MYDGF: variants seen among roughly 807,000 people sequenced by gnomAD.
MYDGF encodes the protein myeloid-derived growth factor.
In MYDGF, 29 loss-of-function variants were observed where a neutral mutation model predicts 24.2. That is an observed-to-expected ratio of 1.20 (90% CI 0.89 to 1.63). MYDGF has a LOEUF of 1.63. MYDGF is among the 40% of genes most tolerant of loss of function. The pLI, the probability that MYDGF is intolerant of heterozygous loss-of-function variation, is 0.00. For missense variants in MYDGF, 245 were observed against 234.8 expected, an observed-to-expected ratio of 1.04 and a Z score of -0.29; for synonymous variants, 105 against 102.5, an observed-to-expected ratio of 1.02 and a Z score of -0.15.
intron 3 of MYDGF, among the ~76,000 whole-genome samples, chr19:4,664,668 T>C (rs539708367): frequency 2.6e-4 from 40 of 152,170 alleles, no homozygotes; most frequent in African/African-American, 9.4e-4. Context: ...CCCCAGACCT[T>C]CTCAGTCTCT....
chr19:4,660,538 C>T (rs924840401), intron 4 of MYDGF, 131 bp downstream of exon 4: 9 of 852,514 alleles, frequency 1.1e-5, no homozygotes, highest in African/African-American at 6.8e-5. Flanking sequence ...AAGTTACACA[C>T]CCTACCTCTG....
At chr19:4,665,967 G>A (rs72620524) in intron 2 of MYDGF, among the ~76,000 whole-genome samples, 16,496 of 151,788 alleles carry the variant, frequency 0.11, 1,122 homozygotes, top group African/African-American at 0.19. Context: ...CACCATATGG[G>A]TGTGAAAACC....
intron 1 of MYDGF, 169 bp from the exon 2 acceptor site, chr19:4,668,814 T>C: frequency 1.8e-6 from 1 of 561,956 alleles, no homozygotes; most frequent in Non-Finnish European, 3.2e-6. Flanking sequence ...CTCAAGTAAC[T>C]GAGACAATAG....
chr19:4,669,407 C>T (rs562343491), intron 1 of MYDGF, among the ~76,000 whole-genome samples: 2 of 152,216 alleles, frequency 1.3e-5, no homozygotes, highest in African/African-American at 2.4e-5. Flanking sequence ...GCCAAGATCG[C>T]GCCACTGCAC....
Position 4,659,988 on chromosome 19 carries a change from C to G in MYDGF, c.385G>C (p.Glu129Gln), listed in dbSNP as rs2088457567. 1 of 1,613,906 alleles carries G rather than the reference C, an allele frequency of 6.2e-7. No homozygotes were observed. Among genetic ancestry groups the G allele is most frequent in the Non-Finnish European group, 8.5e-7 (1 of 1,179,998 alleles). Residue 129 changes from glutamate (E) to glutamine (Q), a missense_variant, in exon 5 of 6, where the codon GAA (glutamate) becomes CAA (glutamine). Coordinates refer to ENST00000262947, the MANE Select transcript of MYDGF (RefSeq NM_019107.4). The stretch of plus-strand genomic sequence containing the variant: ...TTCAGAGGGACATCACTTTCCCTTT[C>G]AAATGCGGCTTTAGACTGAAAAAGA... ...YAMAYSKAAF[E>Q]RESDVPLKTE...
chr19:4,662,662 T>C (rs1469189003), intron 3 of MYDGF, among the ~76,000 whole-genome samples: 3 of 152,060 alleles, frequency 2.0e-5, no homozygotes, highest in Non-Finnish European at 4.4e-5. Context: ...TGCACAGCTT[T>C]TGTCTGATTC....
intron 2 of MYDGF, among the ~76,000 whole-genome samples, chr19:4,667,950 CAG>C (rs1274401486): frequency 6.6e-6 from 1 of 152,102 alleles, no homozygotes; most frequent in Non-Finnish European, 1.5e-5. Flanking sequence ...TTTTTTGAGA[CAG>C]AGTCTCGCTC....
intron 5 of MYDGF, among the ~76,000 whole-genome samples, chr19:4,658,972 T>C (rs900501477): frequency 1.3e-5 from 2 of 151,952 alleles, no homozygotes; most frequent in Non-Finnish European, 1.5e-5. Flanking sequence ...TTGGCTAATT[T>C]TGGTATTTTT....
chr19:4,668,964 C>T (rs2088541991), intron 1 of MYDGF, among the ~76,000 whole-genome samples: 1 of 152,066 alleles, frequency 6.6e-6, no homozygotes, highest in Non-Finnish European at 1.5e-5. Context: ...CTGCCTCAGC[C>T]TCCTGAGTAC....
intron 2 of MYDGF, among the ~76,000 whole-genome samples, chr19:4,666,410 G>A (rs2088521749): frequency 2.0e-5 from 3 of 151,878 alleles, no homozygotes; most frequent in Admixed American, 2.0e-4. Flanking sequence ...TGAGTAGCTG[G>A]GATTACAGGC....
Position 4,670,162 on chromosome 19 carries a change from C to A in MYDGF, c.173G>T (p.Gly58Val), listed in dbSNP as rs2145191240. 2 of 1,534,208 alleles carry A rather than the reference C, an allele frequency of 1.3e-6. No individual in the cohort carries two copies. Among genetic ancestry groups the A allele is most frequent in the South Asian group, 1.2e-5 (1 of 83,916 alleles). Residue 58 changes from glycine to valine, a missense_variant and splice_region_variant, in exon 1 of 6, where the codon GGG becomes GTG. By Grantham distance (109) the Gly-to-Val change is moderately radical. Transcript: ENST00000262947. The part of the protein sequence containing the change: ...VHSFSHNVGP[G>V]DKYTCMFTYA... ...ATCCGGGACGGCGGTGGCACGTACCCCCGGGCCCACGTTATGGGAGAAGGA... is the reference window on the plus strand; with the variant it reads ...ATCCGGGACGGCGGTGGCACGTACCACCGGGCCCACGTTATGGGAGAAGGA...
Position 4,660,671 on chromosome 19 carries a change from A to G in MYDGF, c.367T>C (p.Tyr123His). The part of the protein sequence containing the change: ...RGAEIEYAMA[Y>H]SKAAFERESD... ...CTGCCCCACTCCAAGATACTCACGT[A>G]GGCCATGGCGTACTCAATCTCAGCG... is the stretch of plus-strand genomic sequence containing the variant. Residue 123 changes from tyrosine (Y) to histidine (H), a missense_variant and splice_region_variant, in exon 4 of 6, where the codon TAC becomes CAC. By Grantham distance (83) the Tyr-to-His change is moderately conservative (BLOSUM62 2). Transcript: ENST00000262947. 1 of 1,613,720 alleles carries G rather than the reference A, an allele frequency of 6.2e-7. No homozygotes were observed.
At chr19:4,658,208 C>G (rs2088438550) in intron 5 of MYDGF, 124 bp from the exon 6 acceptor site, 1 of 742,546 alleles carries the variant, frequency 1.3e-6, no homozygotes, top group Admixed American at 2.6e-5. Flanking sequence ...AAGCAGACTC[C>G]CATGTGAAAA....
chr19:4,663,507 T>C (rs58222149), intron 3 of MYDGF, among the ~76,000 whole-genome samples: 131 of 42,864 alleles, frequency 3.1e-3, no homozygotes, highest in Admixed American at 0.022. Context: ...CTGTGCACTC[T>C]CCACCCACCC....
intron 2 of MYDGF, among the ~76,000 whole-genome samples, chr19:4,666,990 G>A (rs998190466): frequency 4.6e-5 from 7 of 152,182 alleles, no homozygotes; most frequent in East Asian, 1.9e-4. Context: ...TCTTGGTTGC[G>A]GGACTGAAGT....
At chr19:4,667,691 G>A (rs1025606680) in intron 2 of MYDGF, among the ~76,000 whole-genome samples, 3 of 151,078 alleles carry the variant, frequency 2.0e-5, no homozygotes, top group Non-Finnish European at 4.4e-5. Flanking sequence ...TTGAAGGAGA[G>A]GATTCTTCTC....
At chr19:4,670,008 C>T (rs941891866) in intron 1 of MYDGF, among the ~76,000 whole-genome samples, 153 bp downstream of exon 1, 24 of 152,232 alleles carry the variant, frequency 1.6e-4, no homozygotes, top group African/African-American at 5.5e-4. Flanking sequence ...GTCCCGCGCC[C>T]CCCACTCAGC....
In MYDGF at chr19:4,664,798, C is replaced by A. The variant is rs1427171253; in HGVS notation, c.287+78G>T. Reference sequence around the variant, plus strand: ...CCTCCAGGGGTGCAGCCCTCGTTCCCTGCCTTCCAAAGCAGCTCCTGAGGC... The same window carrying A: ...CCTCCAGGGGTGCAGCCCTCGTTCCATGCCTTCCAAAGCAGCTCCTGAGGC... On this transcript the variant is annotated intron_variant, in intron 3 of 5. Coordinates refer to ENST00000262947, the MANE Select transcript of MYDGF (RefSeq NM_019107.4). The A allele has an allele frequency of 3.9e-6, 6 of 1,519,098 alleles. No homozygotes were observed. The East Asian group carries it at 1.2e-4, about 30-fold the overall frequency. The allele number at this position is 1,519,098 out of a possible 1,614,324, so 94.1% of individuals were successfully genotyped here. A position where few individuals can be genotyped will look rare whatever the true frequency, so the allele number is the denominator to read the frequency against.
chr19:4,665,038 C>T (rs964589217), intron 2 of MYDGF, 101 bp from the exon 3 acceptor site: 11 of 1,288,510 alleles, frequency 8.5e-6, no homozygotes, highest in Non-Finnish European at 1.1e-5. Flanking sequence ...CTCTTCTGTA[C>T]CTCCCGATTC....
Sources: gnomAD v4.1 joint callset for allele counts (sites outside exome capture counted in the v4.1 genomes callset) on GRCh38, gnomAD v4.1.1 for gene constraint, MANE v1.5 for transcripts, NCBI Gene and HGNC (gene_info 2026-07-23, HGNC 2026-07-21) for gene names.